The following TMEM272 variants were observed in gnomAD, a reference collection of about 807,000 sequenced individuals.
TMEM272 encodes the protein long intergenic non-protein coding RNA 282.
In TMEM272, 8 loss-of-function variants were observed where a neutral mutation model predicts 3.7. The observed-to-expected ratio is 2.17, with a 90% CI of 1.27 to 3.91. The LOEUF is 3.91. Among genes scored for constraint, TMEM272 ranks in the 30% most tolerant of loss-of-function variants. TMEM272 has a pLI of 0.00. For missense variants in TMEM272, 166 were observed against 91.5 expected (o/e 1.81, Z -3.32); for synonymous variants, 63 against 39.8 (o/e 1.58, Z -2.20).
the TMEM272 span, chr13:51,865,864 C>T: frequency 1.2e-6 from 2 of 1,613,712 alleles, no homozygotes; most frequent in Non-Finnish European, 1.7e-6. Flanking sequence ...AAGAAAAGGC[C>T]CTGTGGGTAG....
the TMEM272 span, among the ~76,000 whole-genome samples, chr13:51,920,819 G>A: frequency 1.1e-4 from 16 of 152,162 alleles, no homozygotes; most frequent in Non-Finnish European, 2.1e-4. Context: ...TGTCTGAATC[G>A]TTTCTTGGCT....
intron 2 of TMEM272, among the ~76,000 whole-genome samples, chr13:51,837,839 C>T (rs1346986661): frequency 6.6e-6 from 1 of 152,228 alleles, no homozygotes; most frequent in Non-Finnish European, 1.5e-5. Flanking sequence ...CTGACTGCAG[C>T]TTCCTGATAT....
the TMEM272 span, chr13:51,908,975 T>G: frequency 7.0e-7 from 1 of 1,420,058 alleles, no homozygotes; most frequent in Non-Finnish European, 9.9e-7. Context: ...CTCCTCCCCC[T>G]GGAAGCAAAG....
At chr13:51,895,426 C>G in the TMEM272 span, among the ~76,000 whole-genome samples, 1 of 152,096 alleles carries the variant, frequency 6.6e-6, no homozygotes, top group Non-Finnish European at 1.5e-5. Context: ...GGAAATCGAG[C>G]CACAAGACAG....
At chr13:51,884,772 C>A in the TMEM272 span, among the ~76,000 whole-genome samples, 4 of 152,196 alleles carry the variant, frequency 2.6e-5, no homozygotes, top group African/African-American at 9.7e-5. Flanking sequence ...AAAATGGAGC[C>A]TACCCCAAAA....
At chr13:51,831,381 G>A (rs896203743) in intron 2 of TMEM272, among the ~76,000 whole-genome samples, 6 of 152,038 alleles carry the variant, frequency 3.9e-5, no homozygotes, top group African/African-American at 7.3e-5. Flanking sequence ...CCATAATCCC[G>A]CCTCTGCACT....
At position 51,832,242 on chromosome 13, in the gene TMEM272, C is replaced by T. The variant is rs145876166; in HGVS notation, c.59-5617G>A. On this transcript the variant is annotated intron_variant, in intron 2 of 4. Transcript: ENST00000629372. ...AGCATGGTAGCAGGTGTTAAAGATA[C>T]GCTGCCATCCGGTTATCAGTCAAAA... Among the ~76,000 whole-genome samples the T allele has an allele frequency of 2.3e-3, 344 of 152,268 alleles. 2 individuals are homozygous for T. The highest frequency in any genetic ancestry group is 3.8e-3 in the Admixed American group (58 of 15,290).
intron 2 of TMEM272, among the ~76,000 whole-genome samples, chr13:51,835,544 A>G (rs1956209829): frequency 6.6e-6 from 1 of 152,218 alleles, no homozygotes; most frequent in South Asian, 2.1e-4. Context: ...TTTTCTAATT[A>G]CATAAATATG....
At chr13:51,855,469 A>T in the TMEM272 span, among the ~76,000 whole-genome samples, 8,253 of 152,292 alleles carry the variant, frequency 0.054, 541 homozygotes, top group African/African-American at 0.16. Context: ...AAAAAAGACA[A>T]GAGAAACATA....
the TMEM272 span, chr13:51,910,285 C>T: frequency 7.0e-7 from 1 of 1,426,202 alleles, no homozygotes; most frequent in South Asian, 1.1e-5. Context: ...CTGGCATCCT[C>T]TAAAGATGAC....
the TMEM272 span, among the ~76,000 whole-genome samples, chr13:51,904,203 G>C: frequency 6.6e-6 from 1 of 151,964 alleles, no homozygotes; most frequent in Non-Finnish European, 1.5e-5. Context: ...GACAATGATG[G>C]TAATATTAAT....
At chr13:51,910,749 CGGAGTCAGCTGCGGGGGAATCT>C in the TMEM272 span, 3 of 362,786 alleles carry the variant, frequency 8.3e-6, no homozygotes, top group Admixed American at 1.2e-4. Flanking sequence ...CGGACCACTG[CGGAGTCAGCTGCGGGGGAATCT>C]GGAGGACACG....
chr13:51,931,413 C>T, the TMEM272 span, among the ~76,000 whole-genome samples: 1 of 151,862 alleles, frequency 6.6e-6, no homozygotes, highest in East Asian at 1.9e-4. Context: ...ACCACATATT[C>T]TCACTCGTAA....
At chr13:51,910,678 T>C in the TMEM272 span, 8 of 439,666 alleles carry the variant, frequency 1.8e-5, no homozygotes, top group African/African-American at 1.6e-4. Flanking sequence ...GAGGCCACAA[T>C]AAGCGGCAGA....
At chr13:51,858,983 C>T in the TMEM272 span, among the ~76,000 whole-genome samples, 130 of 152,228 alleles carry the variant, frequency 8.5e-4, no homozygotes, top group Middle Eastern at 3.4e-3. Flanking sequence ...AAAAGAAGAA[C>T]GGTTAAAAAC....
chr13:51,832,589 C>T (rs535776135), intron 2 of TMEM272, among the ~76,000 whole-genome samples: 1 of 152,192 alleles, frequency 6.6e-6, no homozygotes, highest in East Asian at 1.9e-4. Context: ...TGTAATGGTG[C>T]CCAAACCCCA....
At chr13:51,832,656 C>T (rs1258413288) in intron 2 of TMEM272, among the ~76,000 whole-genome samples, 1 of 152,156 alleles carries the variant, frequency 6.6e-6, no homozygotes, top group Non-Finnish European at 1.5e-5. Context: ...GCCTCTGCCT[C>T]GTTTCCACCC....
chr13:51,840,056 G>A (rs544361768), intron 1 of TMEM272, among the ~76,000 whole-genome samples: 11 of 152,238 alleles, frequency 7.2e-5, no homozygotes, highest in South Asian at 4.1e-4. Context: ...TCCTCAGTTC[G>A]TATGCCCCAT....
At chr13:51,929,845 A>T in the TMEM272 span, among the ~76,000 whole-genome samples, 1 of 152,256 alleles carries the variant, frequency 6.6e-6, no homozygotes, top group Non-Finnish European at 1.5e-5. Context: ...AAGATGAGTG[A>T]CAGAACCTGC....
Sources: allele counts gnomAD v4.1 joint callset (sites outside exome capture counted in the v4.1 genomes callset), GRCh38; gene constraint gnomAD v4.1.1; transcripts MANE v1.5; gene names NCBI Gene and HGNC (gene_info 2026-07-23, HGNC 2026-07-21).